The following CAVIN1 variants were observed in gnomAD, a reference collection of about 807,000 sequenced individuals.
CAVIN1 encodes the protein caveolae associated protein 1.
Under a neutral mutation model 24.0 loss-of-function variants are expected in CAVIN1, and 16 were observed. The ratio of observed to expected loss-of-function variants is 0.67; its 90% confidence interval spans 0.45 to 1.01. The LOEUF (loss-of-function observed/expected upper bound fraction) is 1.01, where lower values mean the gene tolerates loss of function less well. Among genes scored for constraint, CAVIN1 ranks in the 50% least tolerant of loss-of-function variants. The probability of loss-of-function intolerance (pLI) is 0.00; values close to 1 mark genes in which losing one functional copy is unlikely to be tolerated. For missense variants in CAVIN1, 510 were observed against 551.7 expected (o/e 0.92, Z 0.76); for synonymous variants, 256 against 256.4 (o/e 1.00, Z 0.02).
chr17:42,411,731 A>G, intron 1 of CAVIN1: 1 of 985,414 alleles, frequency 1.0e-6, no homozygotes, highest in Non-Finnish European at 1.2e-6. Flanking sequence ...AGCAGGGGGA[A>G]CGGCAGAACC....
At chr17:42,409,993 T>C (rs560650434) in intron 1 of CAVIN1, among the ~76,000 whole-genome samples, 3 of 152,280 alleles carry the variant, frequency 2.0e-5, no homozygotes, top group South Asian at 2.1e-4. Flanking sequence ...CAATCCTCGA[T>C]GGATGCAGAG....
Position 42,402,846 on chromosome 17 carries a change from G to A in CAVIN1, c.*1841C>T, listed in dbSNP as rs2085420286. The A allele has an allele frequency of 6.6e-6, 1 of 152,254 alleles. No individual in the cohort carries two copies. The highest frequency in any genetic ancestry group is 1.5e-5 in the Non-Finnish European group (1 of 68,092). 9.4% of individuals were successfully genotyped at this position (152,254 alleles called of 1,614,324 possible). On this transcript the variant is annotated 3_prime_UTR_variant, in exon 2 of 2. Coordinates refer to ENST00000357037, the MANE Select transcript of CAVIN1 (RefSeq NM_012232.6). ...CCTTCAGGCTGTGACTGGGGAGAGGGGCTGTTCTTGCTTCTGACAAACCCC... is the reference window on the plus strand; with the variant it reads ...CCTTCAGGCTGTGACTGGGGAGAGGAGCTGTTCTTGCTTCTGACAAACCCC...
intron 1 of CAVIN1, among the ~76,000 whole-genome samples, chr17:42,421,121 T>C (rs1231839231): frequency 6.6e-6 from 1 of 152,146 alleles, no homozygotes; most frequent in Non-Finnish European, 1.5e-5. Flanking sequence ...GGGAGGAGTC[T>C]GTCATCCGTG....
rs375301500 is a variant in CAVIN1 at position 42,405,530 on chromosome 17, G to A, written c.472-142C>T. 95 of 828,578 alleles carry A rather than the reference G, an allele frequency of 1.1e-4. No homozygotes were observed. The East Asian group carries it at 1.5e-3, about 13-fold the overall frequency. 51.3% of individuals were successfully genotyped at this position (828,578 alleles called of 1,614,324 possible). On this transcript the variant is annotated intron_variant, in intron 1 of 1. Transcript: ENST00000357037. ...GGAAACTGGCGGGCGCTCAATAAATGTGTGTAGGCTCACGCCTGTAATATT... is the reference window on the plus strand; with the variant it reads ...GGAAACTGGCGGGCGCTCAATAAATATGTGTAGGCTCACGCCTGTAATATT...
chr17:42,423,078 T>G lies in CAVIN1; in HGVS notation c.20A>C (p.Tyr7Ser). Residue 7 changes from tyrosine (Y) to serine (S), a missense_variant, in exon 1 of 2, where the codon TAT becomes TCT. Physicochemically the swap from Tyr to Ser is moderately radical, Grantham distance 144. Coordinates refer to ENST00000357037, the MANE Select transcript of CAVIN1 (RefSeq NM_012232.6). MEDPTL[Y>S]IVERPLPGYP... ...CCCGGGAAGCGGCCGCTCGACAATA[T>G]AGAGCGTGGGGTCCTCCATGGCTAC... 6.3e-7 allele frequency: 1 copy of G among 1,593,978 alleles called. No individual in the cohort carries two copies. The highest frequency in any genetic ancestry group is 2.3e-5 in the East Asian group (1 of 43,888).
chr17:42,422,902 C>T lies in CAVIN1; in HGVS notation c.196G>A (p.Asp66Asn), dbSNP rs574225837. The T allele has an allele frequency of 1.9e-6, 3 of 1,614,126 alleles. No homozygotes were observed. In the African/African-American group the frequency reaches 4.0e-5, roughly 22 times the overall value. Residue 66 changes from aspartate to asparagine, a missense_variant, in exon 1 of 2, where the codon GAC becomes AAC. Asp to Asn is a conservative substitution (Grantham distance 23). Coordinates refer to ENST00000357037, the MANE Select transcript of CAVIN1 (RefSeq NM_012232.6). ...SLLDKIIGAVDQIQLTQAQLE... is the reference protein window; with the variant it reads ...SLLDKIIGAVNQIQLTQAQLE... ...TGTGCTTGAGTCAGCTGGATCTGGT[C>T]TACGGCCCCGATGATTTTGTCCAGG...
Position 42,405,283 on chromosome 17 carries a change from C to T in CAVIN1, c.577G>A (p.Glu193Lys). The T allele has an allele frequency of 1.2e-6, 2 of 1,612,882 alleles. No individual in the cohort carries two copies. The highest frequency in any genetic ancestry group is 2.2e-5 in the East Asian group (1 of 44,866). The stretch of plus-strand genomic sequence containing the variant: ...AGCTCCAGCGCCGCTGCGTCCTCCT[C>T]GGGCCGCTCGCCCTCGCCCAGCTCC... The part of the protein sequence containing the change: ...GEELGEGERP[E>K]EDAAALELSS... Residue 193 changes from glutamate (E) to lysine (K), a missense_variant, in exon 2 of 2, where the codon GAG (glutamate) becomes AAG (lysine). Glu to Lys is a moderately conservative substitution (Grantham distance 56, BLOSUM62 1). Coordinates refer to ENST00000357037, the MANE Select transcript of CAVIN1 (RefSeq NM_012232.6).
intron 1 of CAVIN1, among the ~76,000 whole-genome samples, chr17:42,406,542 T>A (rs1438468063): frequency 6.6e-6 from 1 of 151,994 alleles, no homozygotes. Flanking sequence ...ACCTGGCTAA[T>A]TTTTTTGTAT....
chr17:42,422,775 C>A lies in CAVIN1; in HGVS notation c.323G>T (p.Ser108Ile), dbSNP rs142710988. The part of the protein sequence containing the change: ...KAHATTSNTV[S>I]KLLEKVRKVS... ...CTTGCGCACCTTCTCCAGCAGCTTG[C>A]TCACCGTATTGCTCGTGGTGGCGTG... The change falls in exon 1 of 2, where the codon AGC becomes ATC. Residue 108 changes from serine (S) to isoleucine (I), a missense_variant. Coordinates refer to ENST00000357037, the MANE Select transcript of CAVIN1 (RefSeq NM_012232.6). 6.2e-7 allele frequency: 1 copy of A among 1,613,456 alleles called. No individual in the cohort carries two copies. Among genetic ancestry groups the A allele is most frequent in the African/African-American group, 1.3e-5 (1 of 74,948 alleles).
At chr17:42,421,052 A>G (rs2085542017) in intron 1 of CAVIN1, among the ~76,000 whole-genome samples, 1 of 152,144 alleles carries the variant, frequency 6.6e-6, no homozygotes, top group Non-Finnish European at 1.5e-5. Flanking sequence ...AACATTTTCT[A>G]TCTAAATAGT....
chr17:42,420,350 C>G lies in CAVIN1; in HGVS notation c.471+2277G>C, dbSNP rs1038058467. 2.6e-5 allele frequency among the ~76,000 whole-genome samples: 4 copies of G among 152,234 alleles called. No homozygotes were observed. The South Asian group carries it at 8.3e-4, about 32-fold the overall frequency. ...CAGGCCTGCAGACCTCTGGGAGGAG[C>G]AGGAGCAGCCTCTGCTTTCCTCCAG... On this transcript the variant is annotated intron_variant, in intron 1 of 1. Transcript: ENST00000357037.
intron 1 of CAVIN1, chr17:42,411,433 G>A: frequency 1.0e-6 from 1 of 985,146 alleles, no homozygotes; most frequent in Non-Finnish European, 1.2e-6. Flanking sequence ...GAAACACTCT[G>A]CTATAGGAAG....
At chr17:42,410,070 T>C (rs914988061) in intron 1 of CAVIN1, among the ~76,000 whole-genome samples, 3 of 152,186 alleles carry the variant, frequency 2.0e-5, no homozygotes, top group Non-Finnish European at 1.5e-5. Flanking sequence ...ACTCGAGATC[T>C]GGCTTAGGAA....
intron 1 of CAVIN1, among the ~76,000 whole-genome samples, chr17:42,410,874 C>G (rs1361468384): frequency 9.6e-6 from 1 of 104,400 alleles, no homozygotes; most frequent in South Asian, 3.5e-4. Flanking sequence ...AGCCTGGCGA[C>G]GGAGTGAGAC....
At chr17:42,410,405 C>G (rs772567146) in intron 1 of CAVIN1, among the ~76,000 whole-genome samples, 2 of 152,066 alleles carry the variant, frequency 1.3e-5, no homozygotes, top group African/African-American at 2.4e-5. Flanking sequence ...TGAGAGACCC[C>G]AAGGGCAGAA....
Position 42,405,307 on chromosome 17 carries a change from C to A in CAVIN1, c.553G>T (p.Glu185Ter). ...TCGGGCCGCTCGCCCTCGCCCAGCT[C>A]CTCGCCCTCCTTCTCTGGCAGCGCC... is the stretch of plus-strand genomic sequence containing the variant. ...SEALPEKEGEELGEGERPEED... is the reference protein window; with the variant it reads ...SEALPEKEGE Residue 185 changes from glutamate (E) to a stop codon, truncating the protein, a stop_gained, in exon 2 of 2, where the codon GAG becomes TAG. Transcript: ENST00000357037. LOFTEE classifies it high-confidence loss of function. 2 of 1,611,906 alleles carry A rather than the reference C, an allele frequency of 1.2e-6. No homozygotes were observed. The highest frequency in any genetic ancestry group is 1.7e-6 in the Non-Finnish European group (2 of 1,179,978).
intron 1 of CAVIN1, among the ~76,000 whole-genome samples, chr17:42,419,521 G>C (rs904633529): frequency 2.0e-5 from 3 of 151,968 alleles, no homozygotes; most frequent in Non-Finnish European, 4.4e-5. Flanking sequence ...ATGTTGGCCA[G>C]GCTGGTCTCG....
rs531661585 is a variant in CAVIN1 at position 42,405,682 on chromosome 17, GT to G, written c.472-295del. ...CCATTCTTTCTCTCTCTCTCTCCTT[GT>G]TTTTTTTTTTTTTTTTTTTTTTAAA... On this transcript the variant is annotated intron_variant, in intron 1 of 1. Transcript: ENST00000357037. 7.8e-4 allele frequency among the ~76,000 whole-genome samples: 45 copies of G among 57,818 alleles called. 1 individual carries two copies. The highest frequency in any genetic ancestry group is 2.1e-3 in the African/African-American group (43 of 20,486). 37.9% of individuals were successfully genotyped at this position (57,818 alleles called of 152,430 possible). A position where few individuals can be genotyped will look rare whatever the true frequency, so the allele number is the denominator to read the frequency against.
intron 1 of CAVIN1, among the ~76,000 whole-genome samples, chr17:42,407,509 T>C (rs918285498): frequency 6.6e-6 from 1 of 152,086 alleles, no homozygotes; most frequent in Non-Finnish European, 1.5e-5. Flanking sequence ...CAGAGTTTCC[T>C]GGTTTACACT....
Sources: gnomAD v4.1 joint callset for allele counts (sites outside exome capture counted in the v4.1 genomes callset) on GRCh38, gnomAD v4.1.1 for gene constraint, MANE v1.5 for transcripts, NCBI Gene and HGNC (gene_info 2026-07-23, HGNC 2026-07-21) for gene names.